The following SPAG17 variants were observed in gnomAD, a reference collection of about 807,000 sequenced individuals.
The protein encoded by SPAG17 is sperm-associated antigen 17.
Under a neutral mutation model 273.6 loss-of-function variants are expected in SPAG17, and 169 were observed. The ratio of observed to expected loss-of-function variants is 0.62; its 90% confidence interval spans 0.55 to 0.70. The LOEUF (loss-of-function observed/expected upper bound fraction) is 0.70, where lower values mean the gene tolerates loss of function less well. Among genes scored for constraint, SPAG17 ranks in the 30% least tolerant of loss-of-function variants. The pLI is 0.00. For missense variants in SPAG17, 2,557 were observed against 2,627.8 expected, an observed-to-expected ratio of 0.97 and a Z score of 0.59; for synonymous variants, 825 against 873.2, an observed-to-expected ratio of 0.94 and a Z score of 0.97.
intron 4 of SPAG17, among the ~76,000 whole-genome samples, chr1:118,102,805 A>G (rs1286404441): frequency 6.6e-6 from 1 of 152,230 alleles, no homozygotes; most frequent in Non-Finnish European, 1.5e-5. Flanking sequence ...CTGAGAAGAT[A>G]TGTTGCTTTG....
chr1:117,995,283 G>A (rs952202680), intron 34 of SPAG17, among the ~76,000 whole-genome samples: 6 of 151,848 alleles, frequency 4.0e-5, no homozygotes, highest in African/African-American at 7.3e-5. Context: ...CTTTCCCCTC[G>A]GAGACCTTAT....
At chr1:117,990,698 G>A (rs1656976702) in intron 38 of SPAG17, among the ~76,000 whole-genome samples, 163 bp downstream of exon 38, 1 of 152,182 alleles carries the variant, frequency 6.6e-6, no homozygotes, top group African/African-American at 2.4e-5. Flanking sequence ...CAGGCAGAAT[G>A]ACTTACAAAT....
At position 118,086,697 on chromosome 1, in the gene SPAG17, G is replaced by C. The variant is rs1655022388; in HGVS notation, c.1585C>G (p.His529Asp). 1 of 1,614,026 alleles carries C rather than the reference G, an allele frequency of 6.2e-7. No individual in the cohort carries two copies. The highest frequency in any genetic ancestry group is 1.1e-5 in the South Asian group (1 of 91,088). Residue 529 changes from histidine (H) to aspartate (D), a missense_variant, in exon 12 of 49, where the codon CAC becomes GAC. Transcript: ENST00000336338. ...TGTAGTGCGTACTTCTTGTGGGCGT[G>C]TGCATCATGATAGTTCAGTAGGAGG... The part of the protein sequence containing the change: ...GPLLLNYHDA[H>D]AHKKYALQDQ...
chr1:117,992,548 G>C lies in SPAG17; in HGVS notation c.5279C>G (p.Pro1760Arg), dbSNP rs1470824113. The change falls in exon 36 of 49, where the codon CCC (proline) becomes CGC (arginine). Residue 1760 changes from proline to arginine, a missense_variant. Transcript: ENST00000336338. ...GAATTGGCGCATCTGTAGCACACTG[G>C]GGCTCTTGAGTATGGCACCCGGGGC... ...VSAPGAILKS[P>R]SVLQMRQFIQ... The C allele has an allele frequency of 5.0e-6, 8 of 1,613,608 alleles. No individual in the cohort carries two copies. The highest frequency in any genetic ancestry group is 5.9e-6 in the Non-Finnish European group (7 of 1,179,812).
chr1:118,041,864 ACTTGTTCTT>A lies in SPAG17; in HGVS notation c.2984_2992del (p.Glu995_Gln997del). 6.2e-7 allele frequency: 1 copy of A among 1,613,760 alleles called. No individual in the cohort carries two copies. Among genetic ancestry groups the A allele is most frequent in the South Asian group, 1.1e-5 (1 of 91,058 alleles). On this transcript the variant is annotated inframe_deletion, in exon 21 of 49. Transcript: ENST00000336338. ...CTCTTCTGTTACTTCTTGGATCTTGACTTGTTCTTCTTTAGATTTCTCCTTGTAAGGTGA... is the reference window on the plus strand; with the variant it reads ...CTCTTCTGTTACTTCTTGGATCTTGACTTTAGATTTCTCCTTGTAAGGTGA...
intron 26 of SPAG17, among the ~76,000 whole-genome samples, chr1:118,027,745 G>A (rs1647920711): frequency 6.6e-6 from 1 of 152,212 alleles, no homozygotes; most frequent in Non-Finnish European, 1.5e-5. Context: ...TAGGAGCCAT[G>A]TACAGAACCA....
chr1:117,992,508 G>C lies in SPAG17; in HGVS notation c.5319C>G (p.Val1773=). 1 of 1,612,876 alleles carries C rather than the reference G, an allele frequency of 6.2e-7. No individual in the cohort carries two copies. Among genetic ancestry groups the C allele is most frequent in the Non-Finnish European group, 8.5e-7 (1 of 1,179,546 alleles). The change falls in exon 36 of 49, where the codon GTC becomes GTG. Residue 1773 remains valine, a synonymous_variant. Coordinates refer to ENST00000336338, the MANE Select transcript of SPAG17 (RefSeq NM_206996.4). ...GCCTCAGTTTCACCTCATTCTTTAT[G>C]ACCTCATGCTGAATGAATTGGCGCA... ...LQMRQFIQHE[V]IKNEVKLRLQ...
chr1:118,035,396 A>G (rs965678218), intron 24 of SPAG17, among the ~76,000 whole-genome samples: 3 of 152,204 alleles, frequency 2.0e-5, no homozygotes, highest in African/African-American at 7.2e-5. Context: ...GATAACCTAT[A>G]TTAAGAAGAG....
At chr1:118,156,405 T>C (rs1319218684) in intron 1 of SPAG17, among the ~76,000 whole-genome samples, 3 of 152,212 alleles carry the variant, frequency 2.0e-5, no homozygotes, top group Non-Finnish European at 4.4e-5. Context: ...AATCATAAAG[T>C]GCTAGAATGT....
At chr1:118,087,516 C>A (rs1655088447) in intron 10 of SPAG17, among the ~76,000 whole-genome samples, 1 of 152,116 alleles carries the variant, frequency 6.6e-6, no homozygotes, top group South Asian at 2.1e-4. Context: ...GGGTGACTGG[C>A]CAAAGCTCAA....
intron 1 of SPAG17, among the ~76,000 whole-genome samples, chr1:118,159,389 T>A (rs984916428): frequency 2.6e-5 from 4 of 152,220 alleles, no homozygotes; most frequent in African/African-American, 9.6e-5. Context: ...CTTAGCCAAA[T>A]GACCTTGGGC....
chr1:118,014,896 C>T (rs1469511761), intron 29 of SPAG17, among the ~76,000 whole-genome samples: 1 of 152,204 alleles, frequency 6.6e-6, no homozygotes, highest in East Asian at 1.9e-4. Context: ...GATCACATTA[C>T]TTAACTTCCT....
intron 3 of SPAG17, among the ~76,000 whole-genome samples, chr1:118,130,621 C>T (rs950421580): frequency 6.6e-5 from 10 of 152,230 alleles, no homozygotes; most frequent in Admixed American, 3.3e-4. Context: ...TTCCCCAGTC[C>T]TTCCAGTTCA....
At chr1:118,041,231 T>C (rs148723675) in intron 21 of SPAG17, among the ~76,000 whole-genome samples, 317 of 152,262 alleles carry the variant, frequency 2.1e-3, no homozygotes, top group African/African-American at 7.3e-3. Flanking sequence ...CATTTTTTAC[T>C]GAGTGTTGCT....
At chr1:118,138,986 A>G (rs945037745) in intron 3 of SPAG17, among the ~76,000 whole-genome samples, 2 of 152,064 alleles carry the variant, frequency 1.3e-5, no homozygotes, top group African/African-American at 4.8e-5. Flanking sequence ...ACTTCCTTTA[A>G]TTTTCTCTGT....
chr1:118,080,226 C>T (rs1303141626), intron 15 of SPAG17, among the ~76,000 whole-genome samples: 1 of 152,054 alleles, frequency 6.6e-6, no homozygotes, highest in African/African-American at 2.4e-5. Flanking sequence ...TTAATTATGA[C>T]CCTGGAATGC....
intron 18 of SPAG17, among the ~76,000 whole-genome samples, chr1:118,063,910 C>G (rs540100902): frequency 7.9e-5 from 12 of 152,236 alleles, no homozygotes; most frequent in Admixed American, 1.3e-4. Flanking sequence ...ACAACCCCAT[C>G]AAAAAGTGGG....
At chr1:118,167,623 C>T (rs1052859185) in intron 1 of SPAG17, among the ~76,000 whole-genome samples, 7 of 152,004 alleles carry the variant, frequency 4.6e-5, no homozygotes, top group African/African-American at 1.5e-4. Context: ...TAAAACTAAA[C>T]ATCAGAAGTA....
At chr1:117,981,742 G>C (rs1457854627) in intron 42 of SPAG17, among the ~76,000 whole-genome samples, 1 of 152,144 alleles carries the variant, frequency 6.6e-6, no homozygotes, top group Non-Finnish European at 1.5e-5. Flanking sequence ...CTTTTACCTG[G>C]TAACGGCAAC....
Sources: allele counts gnomAD v4.1 joint callset (sites outside exome capture counted in the v4.1 genomes callset), GRCh38; gene constraint gnomAD v4.1.1; transcripts MANE v1.5; gene names NCBI Gene and HGNC (gene_info 2026-07-23, HGNC 2026-07-21).